CTNNA2: variants seen among roughly 807,000 people sequenced by gnomAD.
The protein encoded by CTNNA2 is catenin alpha 2.
Under a neutral mutation model 101.0 loss-of-function variants are expected in CTNNA2, and 42 were observed. That is an observed-to-expected ratio of 0.42 (90% CI 0.32 to 0.54). CTNNA2 has a LOEUF of 0.54. Ranked by LOEUF, CTNNA2 falls within the 20% of genes least tolerant of loss-of-function variation. CTNNA2 has a pLI of 0.14. For synonymous variants in CTNNA2, 450 were observed against 456.4 expected (o/e 0.99, Z 0.18); for missense variants, 871 against 1,223.1 (o/e 0.71, Z 4.29).
intron 7 of CTNNA2, among the ~76,000 whole-genome samples, chr2:80,204,876 G>A (rs1303811438): frequency 6.6e-6 from 1 of 152,030 alleles, no homozygotes; most frequent in Non-Finnish European, 1.5e-5. Context: ...GGCTGGGAAG[G>A]CCTCACAATC....
chr2:80,576,825 G>C (rs1161675177), intron 13 of CTNNA2, among the ~76,000 whole-genome samples: 2 of 148,328 alleles, frequency 1.3e-5, no homozygotes, highest in Non-Finnish European at 3.0e-5. Flanking sequence ...AATCAGCCAG[G>C]CATGTTGGCG....
chr2:80,367,628 T>G (rs931400612), intron 7 of CTNNA2, among the ~76,000 whole-genome samples: 10 of 152,160 alleles, frequency 6.6e-5, no homozygotes, highest in South Asian at 2.1e-4. Flanking sequence ...AATAGCTTTA[T>G]GCTTGGTAAA....
At chr2:79,483,029 C>T (rs1671124571) in intron 4 of CTNNA2, among the ~76,000 whole-genome samples, 1 of 152,202 alleles carries the variant, frequency 6.6e-6, no homozygotes, top group Non-Finnish European at 1.5e-5. Flanking sequence ...GCTGGTTCAA[C>T]AAATAATCAC....
intron 12 of CTNNA2, among the ~76,000 whole-genome samples, chr2:80,562,676 C>T: frequency 6.6e-6 from 1 of 152,054 alleles, no homozygotes; most frequent in South Asian, 2.1e-4. Context: ...CTAGAAACAA[C>T]ACAAATATCT....
At chr2:80,644,103 G>A (rs1185711754) in intron 18 of CTNNA2, among the ~76,000 whole-genome samples, 1 of 152,136 alleles carries the variant, frequency 6.6e-6, no homozygotes, top group Non-Finnish European at 1.5e-5. Context: ...TTGCTCCATG[G>A]TGGGGTTCAG....
chr2:80,588,998 A>G (rs557940271), intron 14 of CTNNA2, among the ~76,000 whole-genome samples: 4 of 152,214 alleles, frequency 2.6e-5, no homozygotes, highest in Non-Finnish European at 5.9e-5. Context: ...AAAATTGTCA[A>G]GAATAGCTTC....
chr2:79,686,429 A>T (rs1683934534), intron 2 of CTNNA2, among the ~76,000 whole-genome samples: 1 of 152,168 alleles, frequency 6.6e-6, no homozygotes, highest in Admixed American at 6.5e-5. Context: ...AATACACCTT[A>T]ATGTGGTTTT....
rs979186614 is a variant in CTNNA2, at chr2:80,043,361, C to A, written c.1056+133564C>A. On this transcript the variant is annotated intron_variant, in intron 7 of 18. Transcript: ENST00000402739. ...TACAGGCACATGCCACCGCGCCCAG[C>A]TGATTTTTGTATTTTTAGTAGAGAC... Among the ~76,000 whole-genome samples, 10 of 151,890 alleles carry A rather than the reference C, an allele frequency of 6.6e-5. No individual in the cohort carries two copies. In the South Asian group the frequency reaches 8.3e-4, roughly 13 times the overall value.
chr2:80,230,798 C>A (rs1391506811), intron 7 of CTNNA2, among the ~76,000 whole-genome samples: 1 of 152,152 alleles, frequency 6.6e-6, no homozygotes, highest in Non-Finnish European at 1.5e-5. Flanking sequence ...AGGTAGAGTT[C>A]ATTCCCAAAG....
At chr2:80,315,951 A>C (rs539945423) in intron 7 of CTNNA2, among the ~76,000 whole-genome samples, 20 of 152,266 alleles carry the variant, frequency 1.3e-4, no homozygotes, top group East Asian at 5.8e-4. Flanking sequence ...CCCAAGACCC[A>C]CTGTAACAAA....
At chr2:79,862,820 G>A (rs116762725) in intron 4 of CTNNA2, among the ~76,000 whole-genome samples, 150 of 152,290 alleles carry the variant, frequency 9.8e-4, no homozygotes, top group Non-Finnish European at 1.3e-3. Flanking sequence ...GTCTCACCCA[G>A]ATGGAAAATA....
intron 2 of CTNNA2, among the ~76,000 whole-genome samples, chr2:79,729,766 G>T (rs1027657856): frequency 6.6e-6 from 1 of 152,158 alleles, no homozygotes; most frequent in East Asian, 1.9e-4. Context: ...GTGCATTCAA[G>T]TGGAAGGCTG....
intron 18 of CTNNA2, among the ~76,000 whole-genome samples, chr2:80,638,455 G>C (rs1210479840): frequency 2.0e-5 from 3 of 152,146 alleles, no homozygotes; most frequent in Non-Finnish European, 4.4e-5. Flanking sequence ...GGATAAGCGA[G>C]GGTGCTGAAA....
chr2:79,850,064 A>G (rs1347830589), intron 3 of CTNNA2, among the ~76,000 whole-genome samples: 3 of 152,186 alleles, frequency 2.0e-5, no homozygotes, highest in African/African-American at 4.8e-5. Flanking sequence ...GGGAGTCACA[A>G]ATCATCCCTA....
intron 3 of CTNNA2, among the ~76,000 whole-genome samples, chr2:79,832,215 G>A (rs1025324883): frequency 6.6e-6 from 1 of 152,130 alleles, no homozygotes; most frequent in Non-Finnish European, 1.5e-5. Flanking sequence ...AACTGTGAAA[G>A]GAAACCCTCC....
chr2:80,543,235 TGG>T (rs1691735524), intron 9 of CTNNA2, among the ~76,000 whole-genome samples: 1 of 152,176 alleles, frequency 6.6e-6, no homozygotes, highest in African/African-American at 2.4e-5. Context: ...AATAAAAATG[TGG>T]AGAGAAGACA....
chr2:79,297,378 CCTT>C (rs1676005463), intron 2 of CTNNA2, among the ~76,000 whole-genome samples: 1 of 152,268 alleles, frequency 6.6e-6, no homozygotes, highest in African/African-American at 2.4e-5. Context: ...GCCAAAACAT[CCTT>C]CTTTTTCTTC....
chr2:79,728,155 T>C (rs1370297169), intron 2 of CTNNA2, among the ~76,000 whole-genome samples: 3 of 152,202 alleles, frequency 2.0e-5, no homozygotes, highest in Non-Finnish European at 1.5e-5. Context: ...ATCACCACAC[T>C]GACTTCCACA....
chr2:80,496,622 T>C (rs1448806212), intron 9 of CTNNA2, among the ~76,000 whole-genome samples: 1 of 152,052 alleles, frequency 6.6e-6, no homozygotes. Context: ...TGAAAAACAA[T>C]GGCTGTGATC....
Sources: gnomAD v4.1 joint callset for allele counts (sites outside exome capture counted in the v4.1 genomes callset) on GRCh38, gnomAD v4.1.1 for gene constraint, MANE v1.5 for transcripts, NCBI Gene and HGNC (gene_info 2026-07-23, HGNC 2026-07-21) for gene names.